The following DYNLT1 variants were observed in gnomAD, a reference collection of about 807,000 sequenced individuals.
DYNLT1 encodes T-complex testis-specific protein 1 homolog.
DYNLT1 carries 18 observed loss-of-function variants against 19.6 expected under a neutral mutation model. That is an observed-to-expected ratio of 0.92 (90% CI 0.64 to 1.36). DYNLT1 has a LOEUF of 1.36. Among genes scored for constraint, DYNLT1 ranks in the 40% most tolerant of loss-of-function variants. DYNLT1 has a pLI of 0.00. For synonymous variants in DYNLT1, 56 were observed against 44.0 expected (o/e 1.27, Z -1.07); for missense variants, 137 against 139.3 (o/e 0.98, Z 0.08).
At chr6:158,637,564 G>T in intron 3 of DYNLT1, 1 of 745,284 alleles carries the variant, frequency 1.3e-6, no homozygotes, top group Non-Finnish European at 2.3e-6. Flanking sequence ...GGGACCTCCT[G>T]TAAGATCCCG....
In DYNLT1 at chr6:158,641,361, C is replaced by T; in HGVS notation, c.28-1G>A. On this transcript the variant is annotated splice_acceptor_variant, in intron 1 of 4. Transcript: ENST00000367089. LOFTEE classifies it high-confidence loss of function. ...TCACTTCATCAACAACAAAAGCAGTCTGTAAGGAAGAACATTCAGTTAAGT... is the reference window on the plus strand; with the variant it reads ...TCACTTCATCAACAACAAAAGCAGTTTGTAAGGAAGAACATTCAGTTAAGT... 6.3e-7 allele frequency: 1 copy of T among 1,593,090 alleles called. No individual in the cohort carries two copies. Among genetic ancestry groups the T allele is most frequent in the Non-Finnish European group, 8.5e-7 (1 of 1,172,808 alleles).
At chr6:158,643,052 G>A (rs954116556) in intron 1 of DYNLT1, among the ~76,000 whole-genome samples, 1 of 152,102 alleles carries the variant, frequency 6.6e-6, no homozygotes, top group African/African-American at 2.4e-5. Flanking sequence ...CTCCATCCCA[G>A]GTAGAACACT....
At chr6:158,643,471 G>A (rs547989389) in intron 1 of DYNLT1, among the ~76,000 whole-genome samples, 1 of 152,062 alleles carries the variant, frequency 6.6e-6, no homozygotes, top group Non-Finnish European at 1.5e-5. Flanking sequence ...CTCCTTAAAC[G>A]AAATTTTTTT....
At chr6:158,637,266 C>G in intron 3 of DYNLT1, 61 bp from the exon 4 acceptor site, 1 of 1,479,192 alleles carries the variant, frequency 6.8e-7, no homozygotes, top group Non-Finnish European at 9.4e-7. Flanking sequence ...GTCATTCTGT[C>G]CACTTTTAGC....
At chr6:158,637,022 T>C in intron 4 of DYNLT1, 106 bp downstream of exon 4, 3 of 1,540,902 alleles carry the variant, frequency 1.9e-6, no homozygotes, top group Non-Finnish European at 2.7e-6. Flanking sequence ...AAGTCTATTA[T>C]TAAATGTTTT....
intron 3 of DYNLT1, 158 bp from the exon 4 acceptor site, chr6:158,637,363 A>AT: frequency 1.5e-6 from 1 of 661,890 alleles, no homozygotes; most frequent in South Asian, 2.0e-5. Context: ...ATATTGACAA[A>AT]TTATAGGTGC....
At chr6:158,639,686 GTTTT>G (rs753947266) in intron 2 of DYNLT1, among the ~76,000 whole-genome samples, 3 of 152,088 alleles carry the variant, frequency 2.0e-5, no homozygotes, top group African/African-American at 4.8e-5. Context: ...TGTTTGTTTT[GTTTT>G]GTTTTTTTAA....
Position 158,641,342 on chromosome 6 carries a change from C to G in DYNLT1, c.46G>C (p.Glu16Gln). Residue 16 changes from glutamate to glutamine, a missense_variant, in exon 2 of 5, where the codon GAA becomes CAA. By Grantham distance (29) the Glu-to-Gln change is conservative. Transcript: ENST00000367089. ...AAEETAFVVD[E>Q]VSNIVKEAIE... ...ACCTCTTTTACAATGTTGCTCACTT[C>G]ATCAACAACAAAAGCAGTCTGTAAG... The G allele has an allele frequency of 6.3e-7, 1 of 1,597,514 alleles. No homozygotes were observed. The highest frequency in any genetic ancestry group is 8.5e-7 in the Non-Finnish European group (1 of 1,174,602).
intron 1 of DYNLT1, among the ~76,000 whole-genome samples, chr6:158,644,297 G>C (rs1014329385): frequency 1.3e-5 from 2 of 151,888 alleles, no homozygotes; most frequent in Non-Finnish European, 2.9e-5. Flanking sequence ...CTCCAGGCTG[G>C]GGCTGGGGCT....
intron 1 of DYNLT1, among the ~76,000 whole-genome samples, chr6:158,643,547 T>C (rs1189225451): frequency 6.6e-6 from 1 of 152,148 alleles, no homozygotes; most frequent in African/African-American, 2.4e-5. Flanking sequence ...AATGGCGCGA[T>C]CTTGGCTCAC....
At chr6:158,638,208 T>C (rs572526426) in intron 2 of DYNLT1, among the ~76,000 whole-genome samples, 76 of 152,280 alleles carry the variant, frequency 5.0e-4, no homozygotes, top group Middle Eastern at 6.8e-3. Flanking sequence ...CTTAAAAGTA[T>C]ATTACTTTTA....
Position 158,636,738 on chromosome 6 carries a change from G to T in DYNLT1, c.*89C>A. The stretch of plus-strand genomic sequence containing the variant: ...TTGTGAAAGTGCCACAAAACAAAGA[G>T]AATGAGAAAAGAGTTCACTGAATTC... On this transcript the variant is annotated 3_prime_UTR_variant, in exon 5 of 5. Transcript: ENST00000367089. 4 of 1,416,648 alleles carry T rather than the reference G, an allele frequency of 2.8e-6. No individual in the cohort carries two copies. The highest frequency in any genetic ancestry group is 5.0e-5 in the East Asian group (2 of 40,044). The allele number at this position is 1,416,648 out of a possible 1,614,324, so 87.8% of individuals were successfully genotyped here. A position where few individuals can be genotyped will look rare whatever the true frequency, so the allele number is the denominator to read the frequency against.
rs997620127 is a variant in DYNLT1, at chr6:158,644,558, G to A, written c.27+124C>T. On this transcript the variant is annotated intron_variant, in intron 1 of 4. Coordinates refer to ENST00000367089, the MANE Select transcript of DYNLT1 (RefSeq NM_006519.4). ...CGCCGGCGACCGGGAAGCTCAGGCC[G>A]TGGGCTGCCGAGACTGGCCTAGCTG... 2.7e-5 allele frequency: 32 copies of A among 1,177,954 alleles called. No individual in the cohort carries two copies. In the African/African-American group the frequency reaches 3.8e-4, roughly 14 times the overall value. The allele number at this position is 1,177,954 out of a possible 1,614,324, so 73.0% of individuals were successfully genotyped here.
chr6:158,639,392 T>G (rs745655029), intron 2 of DYNLT1, among the ~76,000 whole-genome samples: 3 of 152,094 alleles, frequency 2.0e-5, no homozygotes, highest in Non-Finnish European at 4.4e-5. Flanking sequence ...GGGGGGGCTT[T>G]GTTCAAGCTA....
At chr6:158,637,940 C>G in intron 2 of DYNLT1, 46 bp from the exon 3 acceptor site, 2 of 1,592,662 alleles carry the variant, frequency 1.3e-6, no homozygotes, top group South Asian at 2.2e-5. Flanking sequence ...CAAATGCACC[C>G]ACACCACCTT....
rs1387710968 is a variant in DYNLT1 at position 158,643,831 on chromosome 6, GTTTAT to G, written c.27+846_27+850del. On this transcript the variant is annotated intron_variant, in intron 1 of 4. Transcript: ENST00000367089. The stretch of plus-strand genomic sequence containing the variant: ...TCCAACCTTACCAAATGTATCTATA[GTTTAT>G]ATTTTTGACAGGCTGCATAATAAAT... Among the ~76,000 whole-genome samples the G allele has an allele frequency of 3.3e-5, 5 of 152,248 alleles. No individual in the cohort carries two copies. The East Asian group carries it at 9.7e-4, about 29-fold the overall frequency.
intron 1 of DYNLT1, chr6:158,642,299 C>G (rs920376973): frequency 6.6e-6 from 1 of 152,246 alleles, no homozygotes; most frequent in Non-Finnish European, 1.5e-5. Context: ...TCCTTTTACA[C>G]ATGGTAGATC....
At chr6:158,643,890 G>C (rs1787239691) in intron 1 of DYNLT1, among the ~76,000 whole-genome samples, 1 of 152,048 alleles carries the variant, frequency 6.6e-6, no homozygotes, top group Admixed American at 6.5e-5. Context: ...ATTTCAACAA[G>C]GATTATTCAG....
intron 3 of DYNLT1, 41 bp downstream of exon 3, chr6:158,637,727 TAAA>T (rs770143300): frequency 1.2e-6 from 2 of 1,613,998 alleles, no homozygotes; most frequent in Non-Finnish European, 1.7e-6. Context: ...TGATCAGTGT[TAAA>T]AAACCATCCC....
Sources: allele counts gnomAD v4.1 joint callset (sites outside exome capture counted in the v4.1 genomes callset), GRCh38; gene constraint gnomAD v4.1.1; transcripts MANE v1.5; gene names NCBI Gene and HGNC (gene_info 2026-07-23, HGNC 2026-07-21).